Variants in UNC13C observed in about 807,000 individuals in gnomAD.
UNC13C encodes the protein unc-13 homolog C.
A neutral mutation model predicts 245.4 loss-of-function variants in UNC13C; 174 were observed. The ratio of observed to expected loss-of-function variants is 0.71; its 90% confidence interval spans 0.63 to 0.80. UNC13C has a LOEUF of 0.80. UNC13C is among the 30% of genes least tolerant of loss of function. The pLI, the probability that UNC13C is intolerant of heterozygous loss-of-function variation, is 0.00. For synonymous variants in UNC13C, 992 were observed against 895.1 expected (o/e 1.11, Z -1.93); for missense variants, 2,829 against 2,602.9 (o/e 1.09, Z -1.89).
intron 29 of UNC13C, among the ~76,000 whole-genome samples, chr15:54,561,583 C>T (rs1897301107): frequency 6.6e-6 from 1 of 151,916 alleles, no homozygotes; most frequent in African/African-American, 2.4e-5. Flanking sequence ...ACTCTGTGGA[C>T]TGGCCTGGAC....
At chr15:54,000,089 C>T (rs546603839) in intron 1 of UNC13C, among the ~76,000 whole-genome samples, 25 of 152,056 alleles carry the variant, frequency 1.6e-4, no homozygotes, top group Non-Finnish European at 3.4e-4. Flanking sequence ...ACTTCAAAGA[C>T]AGCTAAATTG....
intron 13 of UNC13C, among the ~76,000 whole-genome samples, chr15:54,301,239 A>T (rs934037935): frequency 1.3e-5 from 2 of 151,502 alleles, no homozygotes. Flanking sequence ...AATTTCAATC[A>T]TCTTAATGAT....
rs566856497 is a variant in UNC13C, at chr15:54,530,942, T to C, written c.5547-1975T>C. Among the ~76,000 whole-genome samples the C allele has an allele frequency of 4.6e-5, 7 of 152,286 alleles. 1 individual carries two copies. Among genetic ancestry groups the C allele is most frequent in the South Asian group, 2.1e-4 (1 of 4,826 alleles). On this transcript the variant is annotated intron_variant, in intron 25 of 32. Coordinates refer to ENST00000260323, the MANE Select transcript of UNC13C (RefSeq NM_001080534.3). ...GAAGATTTTTAGCAAAGGAGGAACATGATCTGGTTTTTATTTTAAAAGGCT... is the reference window on the plus strand; with the variant it reads ...GAAGATTTTTAGCAAAGGAGGAACACGATCTGGTTTTTATTTTAAAAGGCT...
At chr15:54,279,292 G>T (rs2036916391) in intron 10 of UNC13C, among the ~76,000 whole-genome samples, 2 of 152,302 alleles carry the variant, frequency 1.3e-5, no homozygotes, top group South Asian at 2.1e-4. Flanking sequence ...TGCTCCGTTT[G>T]AGATAATTGG....
rs145993191 is a variant in UNC13C at position 54,181,296 on chromosome 15, A to C, written c.3071+37612A>C. 1.8e-3 allele frequency among the ~76,000 whole-genome samples: 271 copies of C among 152,204 alleles called. 3 individuals are homozygous for C. Among genetic ancestry groups the C allele is most frequent in the African/African-American group, 6.3e-3 (263 of 41,554 alleles). On this transcript the variant is annotated intron_variant, in intron 4 of 32. Coordinates refer to ENST00000260323, the MANE Select transcript of UNC13C (RefSeq NM_001080534.3). ...CTTATTTTTGTAGACTTTGTTGAAG[A>C]TCAGATGGCTGAAGATGTGCTGCTT...
At chr15:54,233,370 A>T (rs1184905107) in intron 4 of UNC13C, among the ~76,000 whole-genome samples, 1 of 151,990 alleles carries the variant, frequency 6.6e-6, no homozygotes, top group Non-Finnish European at 1.5e-5. Context: ...TTATGATCAA[A>T]ATTAAGGGGG....
the UNC13C span, among the ~76,000 whole-genome samples, chr15:53,906,547 G>A: frequency 1.3e-5 from 2 of 152,186 alleles, no homozygotes; most frequent in Non-Finnish European, 2.9e-5. Context: ...ATGGCATAGA[G>A]ATGGAACTGT....
At chr15:53,972,311 T>C in the UNC13C span, among the ~76,000 whole-genome samples, 34,465 of 152,178 alleles carry the variant, frequency 0.23, 4,671 homozygotes, top group Non-Finnish European at 0.3. Context: ...TTCTGGGCTC[T>C]ACAGAACATG....
intron 4 of UNC13C, among the ~76,000 whole-genome samples, chr15:54,143,896 A>ATT (rs1391876653): frequency 7.7e-6 from 1 of 129,276 alleles, no homozygotes; most frequent in Non-Finnish European, 1.9e-5. Context: ...TATGTATATG[A>ATT]TTATATATAT....
chr15:54,157,600 AT>A (rs950637213), intron 4 of UNC13C, among the ~76,000 whole-genome samples: 1 of 152,172 alleles, frequency 6.6e-6, no homozygotes, highest in African/African-American at 2.4e-5. Flanking sequence ...TGGCCACTTT[AT>A]GAGTTTTGAG....
chr15:54,556,919 T>G (rs1002350357), intron 29 of UNC13C, among the ~76,000 whole-genome samples: 3 of 152,044 alleles, frequency 2.0e-5, no homozygotes, highest in Non-Finnish European at 4.4e-5. Context: ...CAGATCTGGC[T>G]TCTGTCTCTA....
intron 16 of UNC13C, 111 bp from the exon 17 acceptor site, chr15:54,338,250 A>C: frequency 7.9e-7 from 1 of 1,269,126 alleles, no homozygotes; most frequent in South Asian, 2.0e-5. Context: ...ACACTTACTG[A>C]ACATAGAAAA....
At chr15:54,258,173 A>AT (rs2036328348) in intron 8 of UNC13C, among the ~76,000 whole-genome samples, 1 of 151,690 alleles carries the variant, frequency 6.6e-6, no homozygotes, top group Non-Finnish European at 1.5e-5. Context: ...CAAAAAAATA[A>AT]ATAAGTTATT....
intron 2 of UNC13C, among the ~76,000 whole-genome samples, chr15:54,114,302 T>C (rs573637816): frequency 6.6e-6 from 1 of 152,222 alleles, no homozygotes; most frequent in Non-Finnish European, 1.5e-5. Context: ...TCTCCTTATT[T>C]GGCTCTCTTG....
intron 2 of UNC13C, among the ~76,000 whole-genome samples, chr15:54,091,688 C>T (rs1010134013): frequency 6.6e-6 from 1 of 152,044 alleles, no homozygotes; most frequent in Non-Finnish European, 1.5e-5. Context: ...AAGCCACTAT[C>T]AATGTCTGAA....
intron 30 of UNC13C, among the ~76,000 whole-genome samples, chr15:54,582,934 G>C (rs991635437): frequency 1.3e-5 from 2 of 152,090 alleles, no homozygotes; most frequent in Non-Finnish European, 2.9e-5. Context: ...CTCTAAGGGG[G>C]TTTCTGTAAC....
intron 26 of UNC13C, among the ~76,000 whole-genome samples, chr15:54,541,746 A>C (rs1401191505): frequency 3.3e-5 from 5 of 152,176 alleles, no homozygotes; most frequent in African/African-American, 7.2e-5. Context: ...TAGCTTGTAT[A>C]GGTATTATAC....
intron 2 of UNC13C, among the ~76,000 whole-genome samples, chr15:54,047,511 C>A (rs1897090284): frequency 6.6e-6 from 1 of 152,068 alleles, no homozygotes; most frequent in South Asian, 2.1e-4. Context: ...CATAATTGAT[C>A]TTTTGTGTCT....
intron 4 of UNC13C, among the ~76,000 whole-genome samples, chr15:54,149,923 T>C (rs1167912380): frequency 6.6e-6 from 1 of 152,222 alleles, no homozygotes; most frequent in Non-Finnish European, 1.5e-5. Context: ...GTATATGGGA[T>C]GACGTGCACA....
Sources: gnomAD v4.1 joint callset for allele counts (sites outside exome capture counted in the v4.1 genomes callset) on GRCh38, gnomAD v4.1.1 for gene constraint, MANE v1.5 for transcripts, NCBI Gene and HGNC (gene_info 2026-07-23, HGNC 2026-07-21) for gene names.